ACOXL: variants seen among roughly 807,000 people sequenced by gnomAD.
ACOXL encodes the protein acyl-CoA oxidase like, also known as acyl-coenzyme A oxidase-like protein.
A neutral mutation model predicts 71.9 loss-of-function variants in ACOXL; 70 were observed. The ratio of observed to expected loss-of-function variants is 0.97; its 90% CI spans 0.80 to 1.19. The LOEUF is 1.19. Ranked by LOEUF, ACOXL falls within the 50% of genes most tolerant of loss-of-function variation. ACOXL has a pLI of 0.00. For synonymous variants in ACOXL, 253 were observed against 281.6 expected, an observed-to-expected ratio of 0.90 and a Z score of 1.02; for missense variants, 703 against 736.3, an observed-to-expected ratio of 0.95 and a Z score of 0.52.
rs749666893 is a variant in ACOXL at position 110,799,077 on chromosome 2, C to G, written c.524C>G (p.Ala175Gly). 3.1e-6 allele frequency: 5 copies of G among 1,613,820 alleles called. No individual in the cohort carries two copies. Among genetic ancestry groups the G allele is most frequent in the Non-Finnish European group, 4.2e-6 (5 of 1,179,860 alleles). ...GGAAGCTTGTACCCAGGAGTCACAGCTATTGATATGATGTACAAGGAGGGT... is the reference window on the plus strand; with the variant it reads ...GGAAGCTTGTACCCAGGAGTCACAGGTATTGATATGATGTACAAGGAGGGT... Reference protein sequence around the residue: ...ENGSLYPGVTAIDMMYKEGLH... With the variant: ...ENGSLYPGVTGIDMMYKEGLH... The change falls in exon 7 of 18, where the codon GCT becomes GGT. Residue 175 changes from alanine to glycine, a missense_variant. Transcript: ENST00000439055.
chr2:110,873,392 G>T (rs1040409227), intron 10 of ACOXL, among the ~76,000 whole-genome samples: 15 of 152,228 alleles, frequency 9.9e-5, no homozygotes, highest in Non-Finnish European at 2.2e-4. Flanking sequence ...TAGGGAAGCA[G>T]TGTGTCAGGC....
intron 9 of ACOXL, among the ~76,000 whole-genome samples, chr2:110,817,562 G>C (rs993429782): frequency 1.3e-5 from 2 of 152,178 alleles, no homozygotes; most frequent in Non-Finnish European, 2.9e-5. Context: ...TGCTTCCTCT[G>C]ATCTTTGGGC....
At chr2:111,093,063 C>T (rs2068619419) in intron 17 of ACOXL, 97 bp downstream of exon 17, 2 of 985,666 alleles carry the variant, frequency 2.0e-6, no homozygotes, top group East Asian at 2.5e-5. Flanking sequence ...TCAGTTTCCA[C>T]TCATGGATTT....
At chr2:110,913,231 T>C (rs11899663) in intron 11 of ACOXL, among the ~76,000 whole-genome samples, 6,910 of 152,238 alleles carry the variant, frequency 0.045, 278 homozygotes, top group African/African-American at 0.097. Context: ...TTGCCATATA[T>C]CTCAGCGCTT....
chr2:110,881,560 A>G (rs568542892), intron 10 of ACOXL, among the ~76,000 whole-genome samples: 3 of 152,322 alleles, frequency 2.0e-5, no homozygotes, highest in African/African-American at 7.2e-5. Context: ...CATCGCCACA[A>G]TCAAAATAAT....
At chr2:110,871,358 A>G (rs2149041147) in intron 10 of ACOXL, among the ~76,000 whole-genome samples, 1 of 152,044 alleles carries the variant, frequency 6.6e-6, no homozygotes, top group East Asian at 1.9e-4. Context: ...CCTTGCTGAT[A>G]CTCCACTTCC....
chr2:110,830,549 T>G (rs1689697575), intron 9 of ACOXL, among the ~76,000 whole-genome samples: 1 of 152,232 alleles, frequency 6.6e-6, no homozygotes, highest in South Asian at 2.1e-4. Flanking sequence ...TTTTTTTTTT[T>G]TTGAGACAGA....
At chr2:110,900,757 G>C (rs1490250043) in intron 10 of ACOXL, among the ~76,000 whole-genome samples, 1 of 152,224 alleles carries the variant, frequency 6.6e-6, no homozygotes, top group Non-Finnish European at 1.5e-5. Context: ...TTGAACCATA[G>C]CGTGATGGGT....
At chr2:111,013,310 A>T (rs2064256492) in intron 14 of ACOXL, among the ~76,000 whole-genome samples, 2 of 152,136 alleles carry the variant, frequency 1.3e-5, no homozygotes, top group African/African-American at 4.8e-5. Context: ...GGATTGCTTC[A>T]GGTCAGGAGT....
intron 15 of ACOXL, among the ~76,000 whole-genome samples, chr2:111,044,574 G>A (rs1368707822): frequency 1.3e-5 from 2 of 152,226 alleles, no homozygotes; most frequent in Admixed American, 6.5e-5. Flanking sequence ...ATAGGTCAGG[G>A]TCAACTGTAC....
chr2:111,073,128 G>T (rs2067420180), intron 16 of ACOXL, among the ~76,000 whole-genome samples: 1 of 152,148 alleles, frequency 6.6e-6, no homozygotes, highest in Non-Finnish European at 1.5e-5. Context: ...TGAGCTTTGA[G>T]AGTTATTTAT....
chr2:110,913,372 A>G (rs966765767), intron 11 of ACOXL, among the ~76,000 whole-genome samples: 5 of 152,214 alleles, frequency 3.3e-5, no homozygotes, highest in Non-Finnish European at 7.3e-5. Context: ...TAGATTGACA[A>G]ATGGGTAAAC....
chr2:110,953,437 T>C (rs888527475), intron 12 of ACOXL, among the ~76,000 whole-genome samples: 2 of 152,098 alleles, frequency 1.3e-5, no homozygotes, highest in Non-Finnish European at 2.9e-5. Context: ...TAGAGGCTGG[T>C]CAGTTTCCAT....
At chr2:110,912,879 T>G (rs1418463851) in intron 11 of ACOXL, among the ~76,000 whole-genome samples, 4 of 152,164 alleles carry the variant, frequency 2.6e-5, no homozygotes, top group African/African-American at 9.6e-5. Context: ...TGGACTTGTA[T>G]CTAGAACATA....
intron 17 of ACOXL, among the ~76,000 whole-genome samples, chr2:111,096,224 A>AATAATT (rs76476732): frequency 6.9e-6 from 1 of 145,266 alleles, no homozygotes; most frequent in African/African-American, 2.5e-5. Flanking sequence ...TTATTTTTAA[A>AATAATT]ATTATTATTA....
At chr2:110,989,831 A>G (rs1170031610) in intron 13 of ACOXL, among the ~76,000 whole-genome samples, 2 of 152,162 alleles carry the variant, frequency 1.3e-5, no homozygotes, top group East Asian at 1.9e-4. Flanking sequence ...ACCTGAGGTC[A>G]GGAGTTTGAG....
At position 110,804,369 on chromosome 2, in the gene ACOXL, G is replaced by A. The variant is rs866553741; in HGVS notation, c.621-894G>A. On this transcript the variant is annotated intron_variant, in intron 8 of 17. Coordinates refer to ENST00000439055, the MANE Select transcript of ACOXL (RefSeq NM_001142807.4). ...TAGGACTGTTTGTTATACATTGCTG[G>A]TGGGGCTGCAAAATGGTGGCACCAA... Among the ~76,000 whole-genome samples the A allele has an allele frequency of 2.1e-4, 32 of 152,292 alleles. No individual in the cohort carries two copies. In the Middle Eastern group the frequency reaches 0.01, roughly 49 times the overall value.
chr2:110,905,332 C>A lies in ACOXL; in HGVS notation c.789-3457C>A, dbSNP rs1244477278. Among the ~76,000 whole-genome samples, 4 of 152,104 alleles carry A rather than the reference C, an allele frequency of 2.6e-5. No individual in the cohort carries two copies. In the East Asian group the frequency reaches 7.7e-4, roughly 29 times the overall value. ...GGTGGGGTCAGCTGCAGGCAGAGAG[C>A]CCTGCTTGGACAGAGGTCCAGGATG... On this transcript the variant is annotated intron_variant, in intron 10 of 17. Coordinates refer to ENST00000439055, the MANE Select transcript of ACOXL (RefSeq NM_001142807.4).
intron 16 of ACOXL, among the ~76,000 whole-genome samples, chr2:111,065,155 T>C (rs1254374346): frequency 3.3e-5 from 5 of 152,116 alleles, no homozygotes; most frequent in Non-Finnish European, 5.9e-5. Flanking sequence ...AATACACACA[T>C]AGAACAATGG....
Sources: gnomAD v4.1 joint callset for allele counts (sites outside exome capture counted in the v4.1 genomes callset) on GRCh38, gnomAD v4.1.1 for gene constraint, MANE v1.5 for transcripts, NCBI Gene and HGNC (gene_info 2026-07-23, HGNC 2026-07-21) for gene names.